Variants in EYA3 observed in about 807,000 individuals in gnomAD.
EYA3 encodes EYA transcriptional coactivator and phosphatase 3.
A neutral mutation model predicts 80.0 loss-of-function variants in EYA3; 39 were observed. That is an observed-to-expected ratio of 0.49 (90% CI 0.38 to 0.64). The LOEUF is 0.64. EYA3 is among the 30% of genes least tolerant of loss of function. The pLI, the probability that EYA3 is intolerant of heterozygous loss-of-function variation, is 0.00. For missense variants in EYA3, 523 were observed against 676.1 expected (o/e 0.77, Z 2.51); for synonymous variants, 206 against 232.8 (o/e 0.88, Z 1.05).
chr1:28,020,830 T>C (rs951008261), intron 7 of EYA3, among the ~76,000 whole-genome samples: 4 of 152,160 alleles, frequency 2.6e-5, no homozygotes, highest in Non-Finnish European at 5.9e-5. Flanking sequence ...GCTCCTATTA[T>C]TATGTATCTA....
At chr1:28,043,650 C>G (rs1400678663) in intron 3 of EYA3, among the ~76,000 whole-genome samples, 1 of 152,092 alleles carries the variant, frequency 6.6e-6, no homozygotes, top group Non-Finnish European at 1.5e-5. Context: ...CCAGCCTGAC[C>G]AACATGGTAA....
At chr1:28,031,163 A>AC (rs1263417503) in intron 6 of EYA3, among the ~76,000 whole-genome samples, 8 of 152,338 alleles carry the variant, frequency 5.3e-5, no homozygotes, top group African/African-American at 1.7e-4. Context: ...CCAGAAACAT[A>AC]AAGTAGATGT....
At chr1:28,079,198 A>C (rs1211655722) in intron 1 of EYA3, among the ~76,000 whole-genome samples, 1 of 152,236 alleles carries the variant, frequency 6.6e-6, no homozygotes, top group Non-Finnish European at 1.5e-5. Flanking sequence ...AAAATAGTAG[A>C]GTATGTCTGC....
At chr1:28,057,339 T>C (rs1285071157) in intron 2 of EYA3, among the ~76,000 whole-genome samples, 2 of 152,100 alleles carry the variant, frequency 1.3e-5, no homozygotes, top group African/African-American at 4.8e-5. Context: ...CCACTCAGGA[T>C]AGCAAATTGA....
At chr1:28,076,413 C>T (rs72658361) in intron 1 of EYA3, among the ~76,000 whole-genome samples, 37,005 of 151,814 alleles carry the variant, frequency 0.24, 4,616 homozygotes, top group Non-Finnish European at 0.27. Context: ...TACTAGTTTA[C>T]CAGAAATAGA....
At chr1:28,051,961 A>AG (rs1336753317) in intron 2 of EYA3, among the ~76,000 whole-genome samples, 2 of 82,748 alleles carry the variant, frequency 2.4e-5, no homozygotes, top group Non-Finnish European at 5.7e-5. Context: ...ACAATCTTGA[A>AG]AAAAAAAAAA....
intron 16 of EYA3, among the ~76,000 whole-genome samples, chr1:27,984,156 C>T (rs1639494649): frequency 6.6e-6 from 1 of 152,128 alleles, no homozygotes; most frequent in South Asian, 2.1e-4. Flanking sequence ...CCCGCCTTAG[C>T]CTCTTGAGTA....
intron 1 of EYA3, among the ~76,000 whole-genome samples, chr1:28,071,559 C>T (rs369452601): frequency 3.9e-5 from 6 of 152,072 alleles, no homozygotes; most frequent in South Asian, 2.1e-4. Flanking sequence ...ATTGGAAAAA[C>T]GTGACTTTTC....
chr1:28,064,470 A>G (rs535033306), intron 1 of EYA3, among the ~76,000 whole-genome samples: 1 of 151,362 alleles, frequency 6.6e-6, no homozygotes, highest in East Asian at 1.9e-4. Flanking sequence ...TTACTCCAAT[A>G]CCTACAAATT....
Position 28,035,641 on chromosome 1 carries a change from A to G in EYA3, c.264T>C (p.Thr88=). 6.2e-7 allele frequency: 1 copy of G among 1,614,134 alleles called. No individual in the cohort carries two copies. Among genetic ancestry groups the G allele is most frequent in the Non-Finnish European group, 8.5e-7 (1 of 1,179,986 alleles). Reference sequence around the variant, plus strand: ...GGTATTGAGTCTGTCCAGGGTAAGCAGTTTCCGAAACAGGAACTGAGAGAA... The same window carrying G: ...GGTATTGAGTCTGTCCAGGGTAAGCGGTTTCCGAAACAGGAACTGAGAGAA... The part of the protein sequence containing the change: ...AHILSVPVSE[T]AYPGQTQYQT... Residue 88 remains threonine (T), a synonymous_variant, in exon 6 of 18, where the codon ACT becomes ACC. Coordinates refer to ENST00000373871, the MANE Select transcript of EYA3 (RefSeq NM_001990.4).
chr1:28,057,577 T>C (rs1411812901), intron 2 of EYA3, among the ~76,000 whole-genome samples: 1 of 152,150 alleles, frequency 6.6e-6, no homozygotes, highest in East Asian at 1.9e-4. Context: ...TAGGGTTTTA[T>C]CTGTTTTTAA....
intron 7 of EYA3, among the ~76,000 whole-genome samples, chr1:28,018,273 C>G (rs572063177): frequency 6.6e-6 from 1 of 151,908 alleles, no homozygotes; most frequent in African/African-American, 2.4e-5. Flanking sequence ...AAAATAAAGA[C>G]AAGTAATTTG....
chr1:28,066,289 C>A (rs559938625), intron 1 of EYA3, among the ~76,000 whole-genome samples: 1 of 152,120 alleles, frequency 6.6e-6, no homozygotes, highest in African/African-American at 2.4e-5. Context: ...TAGAAGGTAA[C>A]TAAAACCGCC....
intron 1 of EYA3, among the ~76,000 whole-genome samples, chr1:28,071,355 G>A (rs943790697): frequency 6.6e-6 from 1 of 152,144 alleles, no homozygotes; most frequent in Non-Finnish European, 1.5e-5. Context: ...TCAAGACTGA[G>A]CTCATATTTT....
At chr1:27,988,722 G>A in intron 15 of EYA3, 66 bp from the exon 16 acceptor site, 6 of 1,562,884 alleles carry the variant, frequency 3.8e-6, no homozygotes, top group Middle Eastern at 3.4e-4. Flanking sequence ...GAATTCGTAT[G>A]TGCCAACTCT....
intron 6 of EYA3, among the ~76,000 whole-genome samples, chr1:28,029,493 A>G (rs1352614928): frequency 6.6e-6 from 1 of 152,158 alleles, no homozygotes; most frequent in African/African-American, 2.4e-5. Context: ...TTGCATCTGC[A>G]TGAGAGTCCA....
At position 27,988,702 on chromosome 1, in the gene EYA3, C is replaced by T. The variant is rs776296987; in HGVS notation, c.1419-46G>A. The T allele has an allele frequency of 3.1e-6, 5 of 1,598,974 alleles. No individual in the cohort carries two copies. The Admixed American group carries it at 9.2e-5, about 29-fold the overall frequency. On this transcript the variant is annotated intron_variant, in intron 15 of 17. Transcript: ENST00000373871. ...AAAGAAAAGGTGAAACTAAACCAAC[C>T]TGGGAGCAAGAATTCGTATGTGCCA...
At chr1:28,069,889 C>T (rs553826711) in intron 1 of EYA3, among the ~76,000 whole-genome samples, 11 of 152,258 alleles carry the variant, frequency 7.2e-5, no homozygotes, top group Admixed American at 1.3e-4. Context: ...ACATTTAACA[C>T]ACATACAGAG....
At chr1:28,066,677 T>C (rs1289693128) in intron 1 of EYA3, among the ~76,000 whole-genome samples, 1 of 151,924 alleles carries the variant, frequency 6.6e-6, no homozygotes. Flanking sequence ...AAACAAGAAT[T>C]TGACAAATCC....
Sources: gnomAD v4.1 joint callset for allele counts (sites outside exome capture counted in the v4.1 genomes callset) on GRCh38, gnomAD v4.1.1 for gene constraint, MANE v1.5 for transcripts, NCBI Gene and HGNC (gene_info 2026-07-23, HGNC 2026-07-21) for gene names.